CHMP1A: variants seen among roughly 807,000 people sequenced by gnomAD.
CHMP1A encodes the protein VPS46 homolog A.
In CHMP1A, 17 loss-of-function variants were observed where a neutral mutation model predicts 27.0. The observed-to-expected ratio is 0.63, with a 90% CI of 0.43 to 0.95. CHMP1A has a LOEUF of 0.95. Ranked by LOEUF, CHMP1A falls within the 40% of genes least tolerant of loss-of-function variation. CHMP1A has a pLI of 0.00. For missense variants in CHMP1A, 275 were observed against 264.0 expected, an observed-to-expected ratio of 1.04 and a Z score of -0.29; for synonymous variants, 131 against 107.5, an observed-to-expected ratio of 1.22 and a Z score of -1.35.
rs1368679374 is a variant in CHMP1A, at chr16:89,649,566, TTTTG to T, written c.106-73_106-70del. 7 of 1,460,454 alleles carry T rather than the reference TTTTG, an allele frequency of 4.8e-6. No homozygotes were observed. The East Asian group carries it at 1.7e-4, about 36-fold the overall frequency. The allele number at this position is 1,460,454 out of a possible 1,614,324, so 90.5% of individuals were successfully genotyped here. On this transcript the variant is annotated intron_variant, in intron 3 of 6. Coordinates refer to ENST00000397901, the MANE Select transcript of CHMP1A (RefSeq NM_002768.5). ...GTGTGCCCCCTGCTAGGAGCCCAGT[TTTTG>T]TTTTGTTTTGTTTTGTTTTGTTTGA...
At position 89,645,702 on chromosome 16, in the gene CHMP1A, C is replaced by A; in HGVS notation, c.*364G>T. ...GAGGCCTCAGGGAGTTGTTTGGCAACAGGGCAGCCCTGACCCCCTCTGGCT... is the reference window on the plus strand; with the variant it reads ...GAGGCCTCAGGGAGTTGTTTGGCAAAAGGGCAGCCCTGACCCCCTCTGGCT... On this transcript the variant is annotated 3_prime_UTR_variant, in exon 7 of 7. Transcript: ENST00000397901. The A allele has an allele frequency of 2.5e-6, 1 of 394,640 alleles. No homozygotes were observed. The highest frequency in any genetic ancestry group is 4.6e-6 in the Non-Finnish European group (1 of 215,990). The allele number at this position is 394,640 out of a possible 1,614,324, so 24.4% of individuals were successfully genotyped here.
chr16:89,649,264 C>T, intron 4 of CHMP1A, 87 bp downstream of exon 4: 1 of 1,516,458 alleles, frequency 6.6e-7, no homozygotes. Context: ...TCCGTCAACT[C>T]TGAGCTGCCC....
intron 2 of CHMP1A, among the ~76,000 whole-genome samples, chr16:89,653,465 A>T (rs2059840583): frequency 6.7e-6 from 1 of 149,424 alleles, no homozygotes; most frequent in African/African-American, 2.4e-5. Flanking sequence ...TTAAAAATGT[A>T]AAAAAAAATT....
chr16:89,647,336 G>A lies in CHMP1A; in HGVS notation c.253-5C>T, dbSNP rs369245127. 6.2e-7 allele frequency: 1 copy of A among 1,606,704 alleles called. No individual in the cohort carries two copies. On this transcript the variant is annotated splice_region_variant and splice_polypyrimidine_tract_variant and intron_variant, in intron 4 of 6. Transcript: ENST00000397901. ...CTGGGCCATATTCTTGGTCACCTGA[G>A]ACAGGAGAGAGCGCAGGAGGGAACA...
intron 6 of CHMP1A, 21 bp from the exon 7 acceptor site, chr16:89,646,108 T>G: frequency 2.6e-6 from 4 of 1,537,012 alleles, no homozygotes; most frequent in Non-Finnish European, 3.5e-6. Flanking sequence ...ACAACAGGAC[T>G]CGGGTCAGGG....
At chr16:89,657,439 G>A in intron 1 of CHMP1A, 143 bp downstream of exon 1, 1 of 982,322 alleles carries the variant, frequency 1.0e-6, no homozygotes. Context: ...GAGGCCCTGG[G>A]GATGGGGTCC....
At chr16:89,652,659 G>T (rs1381497686) in intron 2 of CHMP1A, among the ~76,000 whole-genome samples, 1 of 152,248 alleles carries the variant, frequency 6.6e-6, no homozygotes, top group Non-Finnish European at 1.5e-5. Flanking sequence ...GGCCACCACA[G>T]CACCACAGGG....
intron 1 of CHMP1A, among the ~76,000 whole-genome samples, chr16:89,656,705 C>G (rs1413801251): frequency 6.6e-6 from 1 of 152,224 alleles, no homozygotes; most frequent in Non-Finnish European, 1.5e-5. Context: ...GGAGCGCTTT[C>G]TGTCTGAGTC....
intron 3 of CHMP1A, among the ~76,000 whole-genome samples, chr16:89,650,335 C>T (rs1456308627): frequency 1.3e-5 from 2 of 152,108 alleles, no homozygotes; most frequent in East Asian, 1.9e-4. Flanking sequence ...TGAATCACTG[C>T]GCCCGGCCTA....
At chr16:89,654,158 C>A (rs2059845998) in intron 1 of CHMP1A, among the ~76,000 whole-genome samples, 1 of 152,242 alleles carries the variant, frequency 6.6e-6, no homozygotes, top group Non-Finnish European at 1.5e-5. Flanking sequence ...CCCTCCCTCC[C>A]TGTTTCCTTG....
At chr16:89,646,961 C>CT (rs2059778849) in intron 5 of CHMP1A, 1 of 1,339,586 alleles carries the variant, frequency 7.5e-7, no homozygotes, top group Non-Finnish European at 1.0e-6. Flanking sequence ...CCTCTGCATG[C>CT]TTGTCTGCCA....
intron 3 of CHMP1A, among the ~76,000 whole-genome samples, chr16:89,651,135 T>C (rs960919033): frequency 7.2e-5 from 11 of 152,100 alleles, no homozygotes; most frequent in South Asian, 2.1e-4. Context: ...ACCAGCACTT[T>C]TGGAGGCCAA....
rs990846399 is a variant in CHMP1A at position 89,645,814 on chromosome 16, C to T, written c.*252G>A. The stretch of plus-strand genomic sequence containing the variant: ...TCCACAGGGCCCCTCTTGGCCTCCC[C>T]GCTGTGGGCCCAGAGTCACAGAAAT... On this transcript the variant is annotated 3_prime_UTR_variant, in exon 7 of 7. Transcript: ENST00000397901. The T allele has an allele frequency of 1.5e-5, 18 of 1,233,652 alleles. No individual in the cohort carries two copies. The highest frequency in any genetic ancestry group is 3.1e-5 in the African/African-American group (2 of 65,338). 76.4% of individuals were successfully genotyped at this position (1,233,652 alleles called of 1,614,324 possible).
rs116954456 is a variant in CHMP1A at position 89,645,972 on chromosome 16, G to A, written c.*94C>T. ...CAGAGTGGCTGCCGGCCGCAGCCCC[G>A]CGGGGTCAGCACAAAGGCAAGACGC... On this transcript the variant is annotated 3_prime_UTR_variant, in exon 7 of 7. Coordinates refer to ENST00000397901, the MANE Select transcript of CHMP1A (RefSeq NM_002768.5). 0.019 allele frequency: 31,304 copies of A among 1,611,170 alleles called. 5,583 individuals are homozygous for A. The East Asian group carries it at 0.48, about 25-fold the overall frequency.
At chr16:89,657,446 G>A (rs2059893232) in intron 1 of CHMP1A, 136 bp downstream of exon 1, 1 of 1,091,942 alleles carries the variant, frequency 9.2e-7, no homozygotes, top group South Asian at 1.4e-5. Context: ...TGGGGATGGG[G>A]TCCCGGGGGA....
In CHMP1A at chr16:89,645,718, C is replaced by A. The variant is rs2059768108; in HGVS notation, c.*348G>T. On this transcript the variant is annotated 3_prime_UTR_variant, in exon 7 of 7. Coordinates refer to ENST00000397901, the MANE Select transcript of CHMP1A (RefSeq NM_002768.5). ...GTTTGGCAACAGGGCAGCCCTGACC[C>A]CCTCTGGCTGATGGGAAGCAGCATG... 6.7e-6 allele frequency: 3 copies of A among 449,768 alleles called. No homozygotes were observed. The highest frequency in any genetic ancestry group is 1.2e-5 in the Non-Finnish European group (3 of 254,326). 27.9% of individuals were successfully genotyped at this position (449,768 alleles called of 1,614,324 possible). A position where few individuals can be genotyped will look rare whatever the true frequency, so the allele number is the denominator to read the frequency against.
rs1657010465 is a variant in CHMP1A at position 89,646,037 on chromosome 16, C to T, written c.*29G>A. ...AGGAGCCTTCCAGCACATCACGGGG[C>T]AGAGGCGGTGCACACCGGCGGGGCA... On this transcript the variant is annotated 3_prime_UTR_variant, in exon 7 of 7. Transcript: ENST00000397901. 1.3e-5 allele frequency: 20 copies of T among 1,593,632 alleles called. No homozygotes were observed. The highest frequency in any genetic ancestry group is 2.7e-5 in the African/African-American group (2 of 74,000).
At position 89,647,266 on chromosome 16, in the gene CHMP1A, C is replaced by A; in HGVS notation, c.318G>T (p.Gln106His). 1 of 1,611,412 alleles carries A rather than the reference C, an allele frequency of 6.2e-7. No individual in the cohort carries two copies. The highest frequency in any genetic ancestry group is 8.5e-7 in the Non-Finnish European group (1 of 1,179,020). Residue 106 changes from glutamine (Q) to histidine (H), a missense_variant, in exon 5 of 7, where the codon CAG becomes CAT. Gln to His is a conservative substitution (Grantham distance 24). Coordinates refer to ENST00000397901, the MANE Select transcript of CHMP1A (RefSeq NM_002768.5). Reference sequence around the variant, plus strand: ...ACCTGTCCATCACTGAGGAGACCTTCTGCAGGTCCATGGTGCTCAGGGCCT... The same window carrying A: ...ACCTGTCCATCACTGAGGAGACCTTATGCAGGTCCATGGTGCTCAGGGCCT... ...LDKALSTMDL[Q>H]KVSSVMDRFE...
intron 6 of CHMP1A, 107 bp from the exon 7 acceptor site, chr16:89,646,194 C>G: frequency 9.7e-7 from 1 of 1,032,618 alleles, no homozygotes; most frequent in Non-Finnish European, 1.4e-6. Context: ...CCTGAGATAA[C>G]ATGAGTGACA....
Sources: gnomAD v4.1 joint callset for allele counts (sites outside exome capture counted in the v4.1 genomes callset) on GRCh38, gnomAD v4.1.1 for gene constraint, MANE v1.5 for transcripts, NCBI Gene and HGNC (gene_info 2026-07-23, HGNC 2026-07-21) for gene names.